AHNAK: variants seen among roughly 807,000 people sequenced by gnomAD.
The protein encoded by AHNAK is neuroblast differentiation-associated protein AHNAK.
In AHNAK, 23 loss-of-function variants were observed where a neutral mutation model predicts 37.8. That is an observed-to-expected ratio of 0.61 (90% CI 0.44 to 0.86). The LOEUF is 0.86. Ranked by LOEUF, AHNAK falls within the 40% of genes least tolerant of loss-of-function variation. The pLI, the probability that AHNAK is intolerant of heterozygous loss-of-function variation, is 0.00. For synonymous variants in AHNAK, 2,481 were observed against 2,636.3 expected (o/e 0.94, Z 1.80); for missense variants, 7,411 against 7,319.4 (o/e 1.01, Z -0.46).
chr11:62,518,108 C>G lies in AHNAK; in HGVS notation c.16309G>C (p.Gly5437Arg), dbSNP rs747974875. 6.2e-7 allele frequency: 1 copy of G among 1,614,250 alleles called. No homozygotes were observed. The highest frequency in any genetic ancestry group is 8.5e-7 in the Non-Finnish European group (1 of 1,180,048). Residue 5437 changes from glycine to arginine, a missense_variant, in exon 5 of 5, where the codon GGT becomes CGT. By Grantham distance (125) the Gly-to-Arg change is moderately radical. Transcript: ENST00000378024. The stretch of plus-strand genomic sequence containing the variant: ...GGCCCTTTCAGGTTCACATCCACAC[C>G]TGGCCCCTTCAGTTCGCCAGAAACC... ...PQVSGELKGPGVDVNLKGPRI... is the reference protein window; with the variant it reads ...PQVSGELKGPRVDVNLKGPRI...
In AHNAK at chr11:62,524,801, T is replaced by C. The variant is rs890080175; in HGVS notation, c.9616A>G (p.Lys3206Glu). ...ATGTTCATCTCTGGCATCTTGAATT[T>C]AGGGCCCTTCAGTTTCGCATCTGGA... The part of the protein sequence containing the change: ...EGPDAKLKGP[K>E]FKMPEMNIKA... The change falls in exon 5 of 5, where the codon AAA (lysine) becomes GAA (glutamate). Residue 3206 changes from lysine (K) to glutamate (E), a missense_variant. Physicochemically the swap from Lys to Glu is moderately conservative, Grantham distance 56 (BLOSUM62 1). Transcript: ENST00000378024. The C allele has an allele frequency of 1.9e-6, 3 of 1,614,086 alleles. No individual in the cohort carries two copies. In the African/African-American group the frequency reaches 4.0e-5, roughly 22 times the overall value.
Position 62,532,050 on chromosome 11 carries a change from A to G in AHNAK, c.2367T>C (p.Ala789=), listed in dbSNP as rs573894555. The G allele has an allele frequency of 2.5e-5, 41 of 1,612,110 alleles. No homozygotes were observed. In the South Asian group the frequency reaches 4.3e-4, roughly 17 times the overall value. Residue 789 remains alanine (A), a synonymous_variant, in exon 5 of 5, where the codon GCT becomes GCC. Transcript: ENST00000378024. The stretch of plus-strand genomic sequence containing the variant: ...CTGGTTCCTCAATGCTCACATCAGG[A>G]GCAGTAACATCTATCTTGGGCCCGG... ...DISGPKIDVT[A]PDVSIEEPEG...
rs913516805 is a variant in AHNAK at position 62,505,344 on chromosome 11, GAC to G, written c.343-13515_343-13514del. ...GAGGCCCAAATATGGCCTGGCGATT[GAC>G]AGTTCGGCCAATGGGGTGTGGCCAC... On this transcript the variant is annotated intron_variant, in intron 4 of 5. Transcript: ENST00000257247. 7.7e-4 allele frequency among the ~76,000 whole-genome samples: 118 copies of G among 152,282 alleles called. 1 individual carries two copies. Among genetic ancestry groups the G allele is most frequent in the African/African-American group, 2.7e-3 (112 of 41,548 alleles).
At chr11:62,450,094 T>G (rs1322703187) in intron 5 of AHNAK, among the ~76,000 whole-genome samples, 1 of 151,406 alleles carries the variant, frequency 6.6e-6, no homozygotes, top group Non-Finnish European at 1.5e-5. Context: ...TTATTTTGTT[T>G]TCTTTTGTTT....
intron 5 of AHNAK, among the ~76,000 whole-genome samples, chr11:62,480,851 T>C (rs1413863240): frequency 2.0e-5 from 3 of 146,842 alleles, no homozygotes; most frequent in Non-Finnish European, 4.5e-5. Flanking sequence ...CCTTCTGGTC[T>C]GACCAAGTTG....
At chr11:62,545,154 C>T (rs1420373357) in intron 1 of AHNAK, among the ~76,000 whole-genome samples, 1 of 152,172 alleles carries the variant, frequency 6.6e-6, no homozygotes, top group Non-Finnish European at 1.5e-5. Flanking sequence ...CAGAGCAGGG[C>T]ACTCTGCAGC....
At position 62,532,637 on chromosome 11, in the gene AHNAK, C is replaced by T. The variant is rs1590680380; in HGVS notation, c.1780G>A (p.Val594Ile). The T allele has an allele frequency of 6.2e-7, 1 of 1,612,840 alleles. No individual in the cohort carries two copies. The highest frequency in any genetic ancestry group is 8.5e-7 in the Non-Finnish European group (1 of 1,179,548). ...TCAGGGACTTTGACTTTCCCTTCTA[C>T]TCTGGGGAGTGTGACATCTACACCC... Reference protein sequence around the residue: ...KGGVDVTLPRVEGKVKVPEVD... With the variant: ...KGGVDVTLPRIEGKVKVPEVD... Residue 594 changes from valine to isoleucine, a missense_variant, in exon 5 of 5, where the codon GTA (valine) becomes ATA (isoleucine). Val to Ile is a conservative substitution (Grantham distance 29). Transcript: ENST00000378024.
chr11:62,441,920 C>G (rs1479278438), intron 5 of AHNAK, among the ~76,000 whole-genome samples: 1 of 152,184 alleles, frequency 6.6e-6, no homozygotes, highest in African/African-American at 2.4e-5. Context: ...ATGGGGCCAG[C>G]AAGCCCTTGG....
At position 62,542,358 on chromosome 11, in the gene AHNAK, T is replaced by G. The variant is rs897475930; in HGVS notation, c.-100+4302A>C. 9.9e-5 allele frequency among the ~76,000 whole-genome samples: 15 copies of G among 152,156 alleles called. No homozygotes were observed. In the South Asian group the frequency reaches 3.1e-3, roughly 32 times the overall value. ...CTGGCCTCCTCCCTGCTCCCTGCCC[T>G]TAGGAGAGGGAGGCGCCAGCCCAGC... On this transcript the variant is annotated intron_variant, in intron 1 of 4. Transcript: ENST00000378024.
downstream of AHNAK, among the ~76,000 whole-genome samples, chr11:62,515,207 C>T (rs1939985715): frequency 6.6e-6 from 1 of 152,190 alleles, no homozygotes; most frequent in Non-Finnish European, 1.5e-5. Context: ...GAAAGAACCA[C>T]AGAGATAACT....
At chr11:62,484,284 G>A (rs1381430929) in intron 5 of AHNAK, among the ~76,000 whole-genome samples, 2 of 152,030 alleles carry the variant, frequency 1.3e-5, no homozygotes, top group Non-Finnish European at 2.9e-5. Context: ...TACTCTGGAG[G>A]CTGAGGCAGG....
chr11:62,475,409 AG>A (rs1231661075), intron 5 of AHNAK, among the ~76,000 whole-genome samples: 6 of 152,274 alleles, frequency 3.9e-5, no homozygotes, highest in Admixed American at 6.5e-5. Context: ...AAACTAACAC[AG>A]GAACAGAAAA....
chr11:62,525,951 C>T lies in AHNAK; in HGVS notation c.8466G>A (p.Lys2822=). 1 of 1,614,150 alleles carries T rather than the reference C, an allele frequency of 6.2e-7. No individual in the cohort carries two copies. Among genetic ancestry groups the T allele is most frequent in the Non-Finnish European group, 8.5e-7 (1 of 1,180,020 alleles). ...EGPEGKWKSP[K]FKMPEMHFKT... is the part of the protein sequence containing the mutation. Reference sequence around the variant, plus strand: ...TAAAATGCATCTCTGGCATCTTAAACTTTGGACTTTTCCACTTTCCTTCAG... The same window carrying T: ...TAAAATGCATCTCTGGCATCTTAAATTTTGGACTTTTCCACTTTCCTTCAG... Residue 2822 remains lysine (K), a synonymous_variant, in exon 5 of 5, where the codon AAG becomes AAA. Coordinates refer to ENST00000378024, the MANE Select transcript of AHNAK (RefSeq NM_001620.3).
intron 5 of AHNAK, among the ~76,000 whole-genome samples, chr11:62,455,477 G>A (rs570554744): frequency 1.5e-4 from 23 of 151,958 alleles, no homozygotes; most frequent in South Asian, 1.2e-3. Flanking sequence ...AGGTCAAGGC[G>A]GGCGGATCTC....
At chr11:62,448,636 G>C (rs751738613) in intron 5 of AHNAK, among the ~76,000 whole-genome samples, 2 of 152,196 alleles carry the variant, frequency 1.3e-5, no homozygotes, top group Non-Finnish European at 2.9e-5. Context: ...AATCATTTTG[G>C]AGCTCCACTT....
chr11:62,530,074 G>T lies in AHNAK; in HGVS notation c.4343C>A (p.Pro1448His), dbSNP rs1375013078. ...KFKMPEMSIK[P>H]QKISIPDVGL... ...AACATCTGGTATGGATATCTTCTGA[G>T]GCTTTATACTCATTTCTGGCATCTT... Residue 1448 changes from proline (P) to histidine (H), a missense_variant, in exon 5 of 5, where the codon CCT (proline) becomes CAT (histidine). Transcript: ENST00000378024. The T allele has an allele frequency of 1.2e-6, 2 of 1,613,884 alleles. No individual in the cohort carries two copies.
At position 62,523,054 on chromosome 11, in the gene AHNAK, A is replaced by C; in HGVS notation, c.11363T>G (p.Ile3788Ser). Residue 3788 changes from isoleucine to serine, a missense_variant, in exon 5 of 5, where the codon ATT becomes AGT. By Grantham distance (142) the Ile-to-Ser change is moderately radical. Coordinates refer to ENST00000378024, the MANE Select transcript of AHNAK (RefSeq NM_001620.3). ...TTGAACATCAACATCTGGAGCATTA[A>C]TGTCCACTTTGGGGCCCTTGATGTC... ...EVDIKGPKVD[I>S]NAPDVDVQGP... is the part of the protein sequence containing the mutation. The C allele has an allele frequency of 1.9e-6, 3 of 1,614,068 alleles. No homozygotes were observed. Among genetic ancestry groups the C allele is most frequent in the Non-Finnish European group, 2.5e-6 (3 of 1,180,024 alleles).
Position 62,527,157 on chromosome 11 carries a change from C to A in AHNAK, c.7260G>T (p.Val2420=), listed in dbSNP as rs367671550. 6 of 1,611,966 alleles carry A rather than the reference C, an allele frequency of 3.7e-6. No homozygotes were observed. The African/African-American group carries it at 8.0e-5, about 22-fold the overall frequency. ...KLEGDLKGPH[V]DVSGPDIDIE... is the part of the protein sequence containing the mutation. Reference sequence around the variant, plus strand: ...TGTCAATGTCTGGCCCACTGACATCCACATGTGGCCCTTTAAGGTCCCCTT... The same window carrying A: ...TGTCAATGTCTGGCCCACTGACATCAACATGTGGCCCTTTAAGGTCCCCTT... The change falls in exon 5 of 5, where the codon GTG becomes GTT. Residue 2420 remains valine (V), a synonymous_variant. Coordinates refer to ENST00000378024, the MANE Select transcript of AHNAK (RefSeq NM_001620.3).
At chr11:62,544,492 C>T (rs1052606256) in intron 1 of AHNAK, among the ~76,000 whole-genome samples, 2 of 152,152 alleles carry the variant, frequency 1.3e-5, no homozygotes, top group African/African-American at 4.8e-5. Flanking sequence ...CTCAGACACC[C>T]TCTAACCCAC....
Sources: allele counts gnomAD v4.1 joint callset (sites outside exome capture counted in the v4.1 genomes callset), GRCh38; gene constraint gnomAD v4.1.1; transcripts MANE v1.5; gene names NCBI Gene and HGNC (gene_info 2026-07-23, HGNC 2026-07-21).